Variants in OTOF observed in about 807,000 individuals in gnomAD.
The protein encoded by OTOF is otoferlin.
Under a neutral mutation model 236.8 loss-of-function variants are expected in OTOF, and 218 were observed. The ratio of observed to expected loss-of-function variants is 0.92; its 90% confidence interval spans 0.82 to 1.03. The LOEUF is 1.03. Among genes scored for constraint, OTOF ranks in the 50% least tolerant of loss-of-function variants. The pLI is 0.00. For synonymous variants in OTOF, 1,041 were observed against 1,072.5 expected, an observed-to-expected ratio of 0.97 and a Z score of 0.57; for missense variants, 2,590 against 2,694.4, an observed-to-expected ratio of 0.96 and a Z score of 0.86.
At chr2:26,520,466 C>T (rs532116287) in intron 3 of OTOF, among the ~76,000 whole-genome samples, 241 of 152,192 alleles carry the variant, frequency 1.6e-3, no homozygotes, top group African/African-American at 5.4e-3. Flanking sequence ...TAGGGGCAGC[C>T]ATGAGGAATG....
rs56246466 is a variant in OTOF at position 26,527,552 on chromosome 2, C to G, written c.227+280G>C. 0.31 allele frequency among the ~76,000 whole-genome samples: 47,048 copies of G among 152,046 alleles called. 9,953 individuals carry two copies. Among genetic ancestry groups the G allele is most frequent in the African/African-American group, 0.59 (24,616 of 41,414 alleles). ...GACTTAAAGCTTTAAGTCTTTAAGA[C>G]AGGAAGCTTTGATGGGGTTGGAGAC... On this transcript the variant is annotated intron_variant, in intron 3 of 46. Transcript: ENST00000272371.
At position 26,494,996 on chromosome 2, in the gene OTOF, G is replaced by A. The variant is rs368728682; in HGVS notation, c.843C>T (p.Asp281=). The A allele has an allele frequency of 3.0e-5, 49 of 1,613,948 alleles. No individual in the cohort carries two copies. The highest frequency in any genetic ancestry group is 1.6e-4 in the Middle Eastern group (1 of 6,084). The change falls in exon 9 of 47, where the codon GAC becomes GAT. Residue 281 remains aspartate, a synonymous_variant. Coordinates refer to ENST00000272371, the MANE Select transcript of OTOF (RefSeq NM_194248.3). ...MDPVVCVEVG[D]DKKYTSMKES... ...CCTTCATGGATGTGTACTTCTTGTCGTCACCCACCTCCACGCACACCACAG... is the reference window on the plus strand; with the variant it reads ...CCTTCATGGATGTGTACTTCTTGTCATCACCCACCTCCACGCACACCACAG...
At position 26,463,396 on chromosome 2, in the gene OTOF, T is replaced by C. The variant is rs1454799587; in HGVS notation, c.5192+87A>G. On this transcript the variant is annotated intron_variant, in intron 41 of 46. Transcript: ENST00000272371. ...CCAACTGGCCAAGGCCATCTGGACC[T>C]GAGCCCCCCGCAGGAAGGGTTGGGC... 10 of 1,144,442 alleles carry C rather than the reference T, an allele frequency of 8.7e-6. No individual in the cohort carries two copies. In the East Asian group the frequency reaches 2.6e-4, roughly 29 times the overall value. The allele number at this position is 1,144,442 out of a possible 1,614,324, so 70.9% of individuals were successfully genotyped here.
At position 26,470,804 on chromosome 2, in the gene OTOF, G is replaced by C. The variant is rs1234684054; in HGVS notation, c.3895-83C>G. ...AGAGCCTCCACCCATTCCGCCATCT[G>C]TCAGCAGGAAGCCTTGGGCTCCATG... On this transcript the variant is annotated intron_variant, in intron 31 of 46. Coordinates refer to ENST00000272371, the MANE Select transcript of OTOF (RefSeq NM_194248.3). This position sits in a 1 kb window ranked among gnomAD's most constrained non-coding sequence, Gnocchi z 4.3. 1.7e-5 allele frequency: 27 copies of C among 1,565,860 alleles called. No individual in the cohort carries two copies. Among genetic ancestry groups the C allele is most frequent in the Non-Finnish European group, 2.2e-5 (25 of 1,160,660 alleles).
intron 8 of OTOF, among the ~76,000 whole-genome samples, chr2:26,497,247 C>T (rs1228429242): frequency 1.3e-5 from 2 of 151,910 alleles, no homozygotes; most frequent in Non-Finnish European, 2.9e-5. Flanking sequence ...GGATTATAGG[C>T]GCCTGCCACC....
rs1407671729 is a variant in OTOF, at chr2:26,477,370, C to A, written c.2406+46G>T. 1 of 1,572,076 alleles carries A rather than the reference C, an allele frequency of 6.4e-7. No homozygotes were observed. Among genetic ancestry groups the A allele is most frequent in the East Asian group, 2.3e-5 (1 of 42,994 alleles). On this transcript the variant is annotated intron_variant, in intron 20 of 46. Coordinates refer to ENST00000272371, the MANE Select transcript of OTOF (RefSeq NM_194248.3). The surrounding 1 kb of genome is among the most constrained non-coding windows in gnomAD (Gnocchi z 4.7). ...CAAAGGGGGTTGTGACACCTTCTCA[C>A]AACCAGGCCCTCCCTCCAGCCCCCG... is the stretch of plus-strand genomic sequence containing the variant.
chr2:26,516,455 G>A lies in OTOF; in HGVS notation c.472C>T (p.Pro158Ser). The part of the protein sequence containing the change: ...ETDGLLPGSR[P>S]SSRPPGEKSF... ...TTCTCTCCTGGGGGCCGGGAGCTGG[G>A]CCGGGAGCCTGGGAGCAGTCCATCC... Residue 158 changes from proline to serine, a missense_variant, in exon 5 of 47, where the codon CCC becomes TCC. Pro to Ser is a moderately conservative substitution (Grantham distance 74, BLOSUM62 -1). This residue lies in a region of OTOF where 1,379 missense variants were observed against 1,341.6 expected (regional missense o/e 1.03). Transcript: ENST00000272371. 1 of 1,613,964 alleles carries A rather than the reference G, an allele frequency of 6.2e-7. No homozygotes were observed. Among genetic ancestry groups the A allele is most frequent in the Non-Finnish European group, 8.5e-7 (1 of 1,180,002 alleles).
intron 2 of OTOF, among the ~76,000 whole-genome samples, chr2:26,530,208 T>C (rs1666910284): frequency 1.3e-5 from 2 of 151,874 alleles, no homozygotes; most frequent in East Asian, 1.9e-4. Flanking sequence ...ACTTTGGAGA[T>C]GGCCCTGTGA....
chr2:26,473,308 G>T lies in OTOF; in HGVS notation c.3571-14C>A. ...CTCTGGGAGGTCCTGGGGTGTTGGCGACAGGAGCCTGAGCCTCCAAGAAGG... is the reference window on the plus strand; with the variant it reads ...CTCTGGGAGGTCCTGGGGTGTTGGCTACAGGAGCCTGAGCCTCCAAGAAGG... On this transcript the variant is annotated splice_polypyrimidine_tract_variant and intron_variant, in intron 28 of 46. Coordinates refer to ENST00000272371, the MANE Select transcript of OTOF (RefSeq NM_194248.3). This position sits in a 1 kb window ranked among gnomAD's most constrained non-coding sequence, Gnocchi z 7.2. The T allele has an allele frequency of 6.2e-7, 1 of 1,613,194 alleles. No individual in the cohort carries two copies. The highest frequency in any genetic ancestry group is 1.1e-5 in the South Asian group (1 of 91,074).
rs768636114 is a variant in OTOF, at chr2:26,460,156, G to A, written c.5863C>T (p.Arg1955Cys). The A allele has an allele frequency of 1.3e-5, 21 of 1,603,668 alleles. No individual in the cohort carries two copies. Among genetic ancestry groups the A allele is most frequent in the East Asian group, 9.0e-5 (4 of 44,608 alleles). Residue 1955 changes from arginine to cysteine, a missense_variant, in exon 46 of 47, where the codon CGC becomes TGC. By Grantham distance (180) the Arg-to-Cys change is radical (BLOSUM62 -3). Coordinates refer to ENST00000272371, the MANE Select transcript of OTOF (RefSeq NM_194248.3). The surrounding 1 kb of genome is among the most constrained non-coding windows in gnomAD (Gnocchi z 5.3). ...CGATACGTGTGCCACAAGAAGTAGC[G>A]AGCCGACTTGAGAGGGTTCAGGAAC... The part of the protein sequence containing the change: ...IWFLNPLKSA[R>C]YFLWHTYRWL...
At position 26,458,026 on chromosome 2, in the gene OTOF, G is replaced by A. The variant is rs767342266; in HGVS notation, c.*212C>T. ...CGGCAGGGCTGGGGAGCGGCTGGCG[G>A]GAGCTGGCGGCCTTCATGCCCCAAG... On this transcript the variant is annotated 3_prime_UTR_variant, in exon 47 of 47. Transcript: ENST00000272371. 1.9e-6 allele frequency: 3 copies of A among 1,609,072 alleles called. No individual in the cohort carries two copies. Among genetic ancestry groups the A allele is most frequent in the Admixed American group, 1.7e-5 (1 of 59,834 alleles).
intron 22 of OTOF, 36 bp downstream of exon 22, chr2:26,476,855 G>T: frequency 8.8e-6 from 14 of 1,594,482 alleles, no homozygotes; most frequent in Non-Finnish European, 1.2e-5. Context: ...CCCCTGAAAG[G>T]ACCCAGGCCC....
rs1287913306 is a variant in OTOF at position 26,483,761 on chromosome 2, G to A, written c.1206-113C>T. ...CAGTCTCTAAGGGACAGCTGAGGGAGCAAGGCTAGGATTAGACACTTGTGT... is the reference window on the plus strand; with the variant it reads ...CAGTCTCTAAGGGACAGCTGAGGGAACAAGGCTAGGATTAGACACTTGTGT... On this transcript the variant is annotated intron_variant, in intron 12 of 46. Coordinates refer to ENST00000272371, the MANE Select transcript of OTOF (RefSeq NM_194248.3). 6 of 948,658 alleles carry A rather than the reference G, an allele frequency of 6.3e-6. No homozygotes were observed. In the East Asian group the frequency reaches 1.3e-4, roughly 21 times the overall value. 58.8% of individuals were successfully genotyped at this position (948,658 alleles called of 1,614,324 possible).
chr2:26,511,590 C>A (rs1242929007), intron 5 of OTOF, among the ~76,000 whole-genome samples: 1 of 152,266 alleles, frequency 6.6e-6, no homozygotes, highest in Non-Finnish European at 1.5e-5. Flanking sequence ...CACAGCACAG[C>A]TGCAGTCCAG....
At chr2:26,514,898 G>T (rs1232600541) in intron 5 of OTOF, among the ~76,000 whole-genome samples, 1 of 152,192 alleles carries the variant, frequency 6.6e-6, no homozygotes, top group Non-Finnish European at 1.5e-5. Flanking sequence ...CCTCTTTTCT[G>T]AATGGAGACA....
intron 1 of OTOF, among the ~76,000 whole-genome samples, chr2:26,543,034 ACTGC>A: frequency 6.6e-6 from 1 of 152,310 alleles, no homozygotes; most frequent in African/African-American, 2.4e-5. Flanking sequence ...TGTTGTATGC[ACTGC>A]CTGGGCTGGG....
chr2:26,478,930 C>T (rs1455063482), intron 18 of OTOF, among the ~76,000 whole-genome samples: 4 of 152,236 alleles, frequency 2.6e-5, no homozygotes, highest in African/African-American at 4.8e-5. Context: ...AACTCCTGAC[C>T]TCAGGTGATC....
Position 26,473,266 on chromosome 2 carries a change from G to A in OTOF, c.3599C>T (p.Pro1200Leu), listed in dbSNP as rs762316974. 18 of 1,613,308 alleles carry A rather than the reference G, an allele frequency of 1.1e-5. No individual in the cohort carries two copies. Among genetic ancestry groups the A allele is most frequent in the African/African-American group, 1.3e-5 (1 of 74,926 alleles). Residue 1200 changes from proline to leucine, a missense_variant, in exon 29 of 47, where the codon CCG (proline) becomes CTG (leucine). Transcript: ENST00000272371. The surrounding 1 kb of genome is among the most constrained non-coding windows in gnomAD (Gnocchi z 7.2). ...GTCCACCACACGGATGTTCAAGGGC[G>A]GGTGCAGCAGCTCGTTCTCTGGGAG... ...VDLPENELLHPPLNIRVVDCR... is the reference protein window; with the variant it reads ...VDLPENELLHLPLNIRVVDCR...
chr2:26,521,429 G>A (rs952678880), intron 3 of OTOF, among the ~76,000 whole-genome samples: 3 of 152,290 alleles, frequency 2.0e-5, no homozygotes, highest in African/African-American at 2.4e-5. Context: ...TCACAGAGGC[G>A]TCTGGTGCCT....
Sources: gnomAD v4.1 joint callset for allele counts (sites outside exome capture counted in the v4.1 genomes callset) on GRCh38, gnomAD v4.1.1 for gene constraint, gnomAD v4.1.1 regional missense constraint, Gnocchi (gnomAD v3.1) non-coding constraint, MANE v1.5 for transcripts, NCBI Gene and HGNC (gene_info 2026-07-23, HGNC 2026-07-21) for gene names.